SLC44A5: variants seen among roughly 807,000 people sequenced by gnomAD.
SLC44A5 encodes the protein choline transporter-like protein 5.
In SLC44A5, 57 loss-of-function variants were observed where a neutral mutation model predicts 101.8. The observed-to-expected ratio is 0.56, with a 90% CI of 0.45 to 0.70. The LOEUF (loss-of-function observed/expected upper bound fraction) is 0.70. SLC44A5 is among the 30% of genes least tolerant of loss of function. The pLI, the probability that SLC44A5 is intolerant of heterozygous loss-of-function variation, is 0.00. For synonymous variants in SLC44A5, 281 were observed against 290.9 expected (o/e 0.97, Z 0.35); for missense variants, 737 against 853.1 (o/e 0.86, Z 1.70).
intron 2 of SLC44A5, among the ~76,000 whole-genome samples, chr1:75,484,463 T>C (rs1441456849): frequency 6.6e-6 from 1 of 152,158 alleles, no homozygotes; most frequent in Non-Finnish European, 1.5e-5. Context: ...ATGCAAGAGG[T>C]GGGTTCCTAC....
At chr1:75,312,637 C>T (rs1285782650) in intron 4 of SLC44A5, among the ~76,000 whole-genome samples, 1 of 151,208 alleles carries the variant, frequency 6.6e-6, no homozygotes, top group Admixed American at 6.6e-5. Flanking sequence ...AACTATGTGC[C>T]AAACAAATTT....
chr1:75,535,032 A>G (rs773971524), intron 2 of SLC44A5, among the ~76,000 whole-genome samples: 30 of 149,838 alleles, frequency 2.0e-4, no homozygotes, highest in Non-Finnish European at 4.3e-4. Flanking sequence ...TTCTATCTTG[A>G]TTAACTCTCA....
Position 75,369,316 on chromosome 1 carries a change from C to T in SLC44A5, c.52+27267G>A, listed in dbSNP as rs560351624. On this transcript the variant is annotated intron_variant, in intron 3 of 23. Coordinates refer to ENST00000370859, the MANE Select transcript of SLC44A5 (RefSeq NM_001130058.2). ...TACAGGTGTGAGCCACTGCTCCTGG[C>T]TTCTTCTTACTATTTACATACTTTC... Among the ~76,000 whole-genome samples the T allele has an allele frequency of 7.2e-5, 11 of 152,260 alleles. No individual in the cohort carries two copies. In the East Asian group the frequency reaches 2.1e-3, roughly 29 times the overall value.
intron 2 of SLC44A5, among the ~76,000 whole-genome samples, chr1:75,467,010 G>A (rs1018833536): frequency 8.5e-5 from 13 of 152,062 alleles, no homozygotes; most frequent in African/African-American, 2.4e-4. Context: ...ATCAACGTAC[G>A]AAAATCGGTA....
intron 2 of SLC44A5, among the ~76,000 whole-genome samples, chr1:75,524,285 G>A (rs1258850139): frequency 6.6e-6 from 1 of 152,116 alleles, no homozygotes; most frequent in African/African-American, 2.4e-5. Context: ...GTTCCCTGAG[G>A]CCTCCCCAGA....
At chr1:75,699,367 A>G in the SLC44A5 span, among the ~76,000 whole-genome samples, 1,145 of 152,262 alleles carry the variant, frequency 7.5e-3, 11 homozygotes, top group African/African-American at 0.026. Context: ...TAAAGAAAAG[A>G]ATTTTCAACC....
At chr1:75,385,788 A>G (rs1661288138) in intron 3 of SLC44A5, among the ~76,000 whole-genome samples, 1 of 152,116 alleles carries the variant, frequency 6.6e-6, no homozygotes, top group South Asian at 2.1e-4. Flanking sequence ...TCCTTGATGA[A>G]CATTGATGCA....
intron 1 of SLC44A5, among the ~76,000 whole-genome samples, chr1:75,550,775 A>C (rs1671896096): frequency 6.6e-6 from 1 of 152,092 alleles, no homozygotes; most frequent in Admixed American, 6.6e-5. Flanking sequence ...AGACATCCAG[A>C]ATTACTCAGA....
chr1:75,678,634 A>G, the SLC44A5 span, among the ~76,000 whole-genome samples: 2 of 149,924 alleles, frequency 1.3e-5, no homozygotes, highest in Non-Finnish European at 3.0e-5. Flanking sequence ...TCAAAGACCA[A>G]AAGTAGATAA....
the SLC44A5 span, among the ~76,000 whole-genome samples, chr1:75,713,586 G>A: frequency 4.6e-5 from 7 of 152,202 alleles, no homozygotes; most frequent in African/African-American, 1.7e-4. Flanking sequence ...GGAGGCCAAA[G>A]CAACTTTATC....
the SLC44A5 span, among the ~76,000 whole-genome samples, chr1:75,652,405 C>A: frequency 6.6e-6 from 1 of 152,190 alleles, no homozygotes; most frequent in Non-Finnish European, 1.5e-5. Context: ...CAGTTAAATT[C>A]TTTCTTCTGA....
At chr1:75,696,851 C>T in the SLC44A5 span, among the ~76,000 whole-genome samples, 4 of 150,776 alleles carry the variant, frequency 2.7e-5, no homozygotes, top group East Asian at 2.0e-4. Context: ...AGCAGTGAGC[C>T]GAGATCCAGA....
At chr1:75,407,592 C>A (rs1410289966) in intron 2 of SLC44A5, among the ~76,000 whole-genome samples, 1 of 152,038 alleles carries the variant, frequency 6.6e-6, no homozygotes, top group African/African-American at 2.4e-5. Context: ...ACAAACCTGA[C>A]AAAAACAAGC....
intron 12 of SLC44A5, among the ~76,000 whole-genome samples, chr1:75,230,749 T>C (rs1647478801): frequency 6.6e-6 from 1 of 152,196 alleles, no homozygotes; most frequent in Non-Finnish European, 1.5e-5. Context: ...CCCAAGTAGC[T>C]GGGACTACAG....
intron 4 of SLC44A5, among the ~76,000 whole-genome samples, chr1:75,325,388 A>G (rs1225388000): frequency 6.6e-6 from 1 of 152,092 alleles, no homozygotes; most frequent in African/African-American, 2.4e-5. Flanking sequence ...GTTAGGTTAA[A>G]AAAACACAAT....
Position 75,213,796 on chromosome 1 carries a change from A to C in SLC44A5, c.1874-3T>G. Reference sequence around the variant, plus strand: ...GAAGAATAGGAAGGCCAGAACACCTACATTGAAAAGGTAGAACATGTATAT... The same window carrying C: ...GAAGAATAGGAAGGCCAGAACACCTCCATTGAAAAGGTAGAACATGTATAT... On this transcript the variant is annotated splice_region_variant and splice_polypyrimidine_tract_variant and intron_variant, in intron 21 of 23. Transcript: ENST00000370859. 6.2e-7 allele frequency: 1 copy of C among 1,606,386 alleles called. No homozygotes were observed. The highest frequency in any genetic ancestry group is 8.5e-7 in the Non-Finnish European group (1 of 1,173,288).
chr1:75,211,684 A>G, intron 22 of SLC44A5, 132 bp from the exon 23 acceptor site: 1 of 581,146 alleles, frequency 1.7e-6, no homozygotes, highest in Non-Finnish European at 3.0e-6. Flanking sequence ...CAGTATAGAG[A>G]CCAAAAAGTT....
chr1:75,634,483 G>C, the SLC44A5 span, among the ~76,000 whole-genome samples: 5,943 of 151,310 alleles, frequency 0.039, 141 homozygotes, highest in Middle Eastern at 0.051. Flanking sequence ...CAATGGAACA[G>C]AACAGAGCCC....
chr1:75,713,315 A>G, the SLC44A5 span, among the ~76,000 whole-genome samples: 1 of 152,222 alleles, frequency 6.6e-6, no homozygotes, highest in African/African-American at 2.4e-5. Flanking sequence ...GAACAATCAG[A>G]AGAAAGTCTC....
Sources: gnomAD v4.1 joint callset for allele counts (sites outside exome capture counted in the v4.1 genomes callset) on GRCh38, gnomAD v4.1.1 for gene constraint, MANE v1.5 for transcripts, NCBI Gene and HGNC (gene_info 2026-07-23, HGNC 2026-07-21) for gene names.